SPEF2: variants seen among roughly 807,000 people sequenced by gnomAD.
SPEF2 encodes sperm flagella and cilia-associated protein 2.
Under a neutral mutation model 224.6 loss-of-function variants are expected in SPEF2, and 187 were observed. That is an observed-to-expected ratio of 0.83 (90% CI 0.74 to 0.94). SPEF2 has a LOEUF of 0.94. Among genes scored for constraint, SPEF2 ranks in the 40% least tolerant of loss-of-function variants. The pLI is 0.00. For synonymous variants in SPEF2, 715 were observed against 707.3 expected (o/e 1.01, Z -0.17); for missense variants, 2,170 against 2,135.6 (o/e 1.02, Z -0.32).
At position 35,658,878 on chromosome 5, in the gene SPEF2, T is replaced by G. The variant is rs184385763; in HGVS notation, c.979-141T>G. The G allele has an allele frequency of 1.6e-4, 92 of 558,972 alleles. 1 individual carries two copies. Among genetic ancestry groups the G allele is most frequent in the African/African-American group, 1.6e-3 (83 of 51,434 alleles). 34.6% of individuals were successfully genotyped at this position (558,972 alleles called of 1,614,324 possible). ...CCTCATTTCATAACATGATTTTTTT[T>G]GCCATGTTCAAATTAAGTCAAATGA... On this transcript the variant is annotated intron_variant, in intron 7 of 36. Transcript: ENST00000356031.
In SPEF2 at chr5:35,779,236, A is replaced by T. The variant is rs1273198755; in HGVS notation, c.4337A>T (p.Asp1446Val). 8 of 1,613,790 alleles carry T rather than the reference A, an allele frequency of 5.0e-6. No individual in the cohort carries two copies. In the East Asian group the frequency reaches 1.8e-4, roughly 36 times the overall value. ...AATGGCAATATAAAAGTCTTCCCAG[A>T]TCCTCCCCCATCAATACGTCCTCCA... ...FINGNIKVFP[D>V]PPPSIRPPPV... The change falls in exon 30 of 37, where the codon GAT becomes GTT. Residue 1446 changes from aspartate to valine, a missense_variant. Coordinates refer to ENST00000356031, the MANE Select transcript of SPEF2 (RefSeq NM_024867.4).
rs577231995 is a variant in SPEF2 at position 35,663,355 on chromosome 5, A to G, written c.1168-3717A>G. Among the ~76,000 whole-genome samples, 7 of 152,290 alleles carry G rather than the reference A, an allele frequency of 4.6e-5. No individual in the cohort carries two copies. The East Asian group carries it at 1.2e-3, about 25-fold the overall frequency. Reference sequence around the variant, plus strand: ...AGTATTCCTTGACATCTGTGGTCATATGTCTCAGAGACACTTCAAATTCAA... The same window carrying G: ...AGTATTCCTTGACATCTGTGGTCATGTGTCTCAGAGACACTTCAAATTCAA... On this transcript the variant is annotated intron_variant, in intron 8 of 36. Transcript: ENST00000356031.
chr5:35,665,755 G>A (rs1295436222), intron 8 of SPEF2, among the ~76,000 whole-genome samples: 1 of 151,640 alleles, frequency 6.6e-6, no homozygotes, highest in East Asian at 1.9e-4. Flanking sequence ...TACTTAAATT[G>A]TACTCTTTCT....
intron 21 of SPEF2, among the ~76,000 whole-genome samples, chr5:35,738,470 A>C (rs1234376898): frequency 6.6e-6 from 1 of 151,400 alleles, no homozygotes; most frequent in Non-Finnish European, 1.5e-5. Flanking sequence ...TTAAATAGGG[A>C]ATCCTTTCCC....
intron 32 of SPEF2, among the ~76,000 whole-genome samples, chr5:35,794,195 G>A (rs1245364821): frequency 1.3e-5 from 2 of 152,224 alleles, no homozygotes; most frequent in Non-Finnish European, 2.9e-5. Flanking sequence ...TCATAACTGA[G>A]AGGGGCCTGA....
intron 30 of SPEF2, chr5:35,791,707 T>G (rs1443006363): frequency 6.6e-6 from 1 of 152,150 alleles, no homozygotes; most frequent in Non-Finnish European, 1.5e-5. Context: ...TCTTTTAAAT[T>G]GAGTTAAGTA....
At chr5:35,665,731 G>A (rs1319780521) in intron 8 of SPEF2, among the ~76,000 whole-genome samples, 2 of 151,762 alleles carry the variant, frequency 1.3e-5, no homozygotes, top group African/African-American at 4.8e-5. Flanking sequence ...CATGAATCAT[G>A]CCATAAAGCT....
intron 20 of SPEF2, among the ~76,000 whole-genome samples, chr5:35,721,234 A>G (rs1359813320): frequency 1.3e-5 from 2 of 152,172 alleles, no homozygotes; most frequent in African/African-American, 2.4e-5. Context: ...ACTCAATACA[A>G]TCCTATAACC....
intron 21 of SPEF2, among the ~76,000 whole-genome samples, chr5:35,730,651 T>C (rs1745496573): frequency 6.6e-6 from 1 of 152,226 alleles, no homozygotes; most frequent in Non-Finnish European, 1.5e-5. Flanking sequence ...AATTTAGTAC[T>C]GACCAACAAA....
At chr5:35,687,248 C>A (rs1436175419) in intron 10 of SPEF2, among the ~76,000 whole-genome samples, 1 of 152,094 alleles carries the variant, frequency 6.6e-6, no homozygotes, top group Non-Finnish European at 1.5e-5. Flanking sequence ...GAAATATAAA[C>A]CTTATTACAT....
intron 20 of SPEF2, among the ~76,000 whole-genome samples, chr5:35,726,099 C>G (rs1387495317): frequency 6.6e-6 from 1 of 152,180 alleles, no homozygotes; most frequent in African/African-American, 2.4e-5. Flanking sequence ...TGAATATTCA[C>G]TAACGCATAG....
At chr5:35,735,920 G>T (rs2149679496) in intron 21 of SPEF2, among the ~76,000 whole-genome samples, 1 of 152,290 alleles carries the variant, frequency 6.6e-6, no homozygotes, top group Non-Finnish European at 1.5e-5. Flanking sequence ...GAGACAAAAT[G>T]TGTCACCTGT....
chr5:35,691,769 TCA>T (rs902516991), intron 11 of SPEF2, among the ~76,000 whole-genome samples: 2 of 151,902 alleles, frequency 1.3e-5, no homozygotes, highest in African/African-American at 4.9e-5. Flanking sequence ...ATGAATTTTA[TCA>T]CAATTTTTAT....
chr5:35,661,081 TA>T (rs1263353359), intron 8 of SPEF2, among the ~76,000 whole-genome samples: 5 of 151,896 alleles, frequency 3.3e-5, no homozygotes, highest in Non-Finnish European at 7.4e-5. Context: ...AGCTGGTACA[TA>T]AGTAGGAGCT....
At chr5:35,738,812 C>T (rs1163408977) in intron 21 of SPEF2, among the ~76,000 whole-genome samples, 3 of 151,948 alleles carry the variant, frequency 2.0e-5, no homozygotes, top group African/African-American at 4.8e-5. Flanking sequence ...GATTGGTCTA[C>T]TGCTGCAGGC....
chr5:35,746,518 T>C (rs1748550819), intron 23 of SPEF2, among the ~76,000 whole-genome samples: 1 of 152,058 alleles, frequency 6.6e-6, no homozygotes, highest in Non-Finnish European at 1.5e-5. Context: ...TTTAGAAACC[T>C]GAAATGTTCT....
intron 20 of SPEF2, 27 bp downstream of exon 20, chr5:35,712,913 T>C: frequency 6.3e-7 from 1 of 1,587,104 alleles, no homozygotes; most frequent in Non-Finnish European, 8.6e-7. Flanking sequence ...TATATATAAT[T>C]ACATGTAATT....
chr5:35,712,965 A>G (rs550607067), intron 20 of SPEF2, 79 bp downstream of exon 20: 39 of 1,294,514 alleles, frequency 3.0e-5, no homozygotes, highest in Non-Finnish European at 3.9e-5. Flanking sequence ...CTAGATTTGT[A>G]TAGTAGTATA....
rs1371782971 is a variant in SPEF2 at position 35,675,038 on chromosome 5, A to AT, written c.1524+4811_1524+4812insT. Among the ~76,000 whole-genome samples, 121 of 152,286 alleles carry AT rather than the reference A, an allele frequency of 7.9e-4. 1 individual carries two copies. The highest frequency in any genetic ancestry group is 1.1e-3 in the Non-Finnish European group (73 of 68,024). On this transcript the variant is annotated intron_variant, in intron 10 of 36. Coordinates refer to ENST00000356031, the MANE Select transcript of SPEF2 (RefSeq NM_024867.4). Reference sequence around the variant, plus strand: ...TATTCATTTTAATATAAATGTATATAATTGCATTGTGTAGTACTGGAGGGC... The same window carrying AT: ...TATTCATTTTAATATAAATGTATATATATTGCATTGTGTAGTACTGGAGGGC...
Sources: allele counts gnomAD v4.1 joint callset (sites outside exome capture counted in the v4.1 genomes callset), GRCh38; gene constraint gnomAD v4.1.1; transcripts MANE v1.5; gene names NCBI Gene and HGNC (gene_info 2026-07-23, HGNC 2026-07-21).